Variants in SGCE observed in about 807,000 individuals in gnomAD.
SGCE encodes the protein sarcoglycan epsilon.
In SGCE, 26 loss-of-function variants were observed where a neutral mutation model predicts 57.8. That is an observed-to-expected ratio of 0.45 (90% confidence interval 0.33 to 0.62). SGCE has a LOEUF of 0.62. SGCE is among the 20% of genes least tolerant of loss of function. SGCE has a pLI of 0.02. For missense variants in SGCE, 468 were observed against 548.6 expected (o/e 0.85, Z 1.47); for synonymous variants, 183 against 189.5 (o/e 0.97, Z 0.28).
chr7:94,637,051 C>T (rs1480255230), intron 1 of SGCE, among the ~76,000 whole-genome samples: 2 of 149,006 alleles, frequency 1.3e-5, no homozygotes, highest in Non-Finnish European at 3.0e-5. Flanking sequence ...AAGAGCGAAA[C>T]TCCATCTCAA....
chr7:94,592,727 C>G (rs1203705340), intron 9 of SGCE, among the ~76,000 whole-genome samples: 1 of 151,994 alleles, frequency 6.6e-6, no homozygotes, highest in Admixed American at 6.6e-5. Flanking sequence ...ATTTGACATT[C>G]TTGGATACCC....
chr7:94,651,930 CTTTA>C (rs771589395), intron 1 of SGCE, among the ~76,000 whole-genome samples: 6 of 151,228 alleles, frequency 4.0e-5, no homozygotes, highest in East Asian at 3.9e-4. Flanking sequence ...GCTTTTTCTT[CTTTA>C]TTATTTTTTT....
chr7:94,616,683 A>G (rs961605821), intron 5 of SGCE, among the ~76,000 whole-genome samples: 3 of 152,168 alleles, frequency 2.0e-5, no homozygotes, highest in Non-Finnish European at 2.9e-5. Flanking sequence ...GGGCTAAAAA[A>G]TTGTTTCTAT....
intron 5 of SGCE, among the ~76,000 whole-genome samples, chr7:94,604,824 T>C (rs1356818074): frequency 5.7e-5 from 3 of 52,790 alleles, no homozygotes; most frequent in Non-Finnish European, 8.5e-5. Context: ...TATATATATA[T>C]ATATATATAT....
At chr7:94,620,533 T>G (rs943994035) in intron 4 of SGCE, 3 of 152,206 alleles carry the variant, frequency 2.0e-5, no homozygotes, top group Non-Finnish European at 4.4e-5. Context: ...GAAATAGTCA[T>G]GCAGAAATGT....
intron 9 of SGCE, among the ~76,000 whole-genome samples, chr7:94,593,175 T>G (rs1172540415): frequency 6.6e-6 from 1 of 152,158 alleles, no homozygotes; most frequent in Admixed American, 6.6e-5. Context: ...TGTCTTCAAT[T>G]AGAAGACTTA....
In SGCE at chr7:94,621,709, AAGG is replaced by A. The variant is rs368875917; in HGVS notation, c.463+1613_463+1615del. 163 of 152,324 alleles carry A rather than the reference AAGG, an allele frequency of 1.1e-3. 1 individual carries two copies. The highest frequency in any genetic ancestry group is 3.6e-3 in the African/African-American group (150 of 41,574). 9.4% of individuals were successfully genotyped at this position (152,324 alleles called of 1,614,324 possible). On this transcript the variant is annotated intron_variant, in intron 4 of 10. Coordinates refer to ENST00000648936, the MANE Select transcript of SGCE (RefSeq NM_003919.3). ...TTTATAACTGTAATGATGAATTCCT[AAGG>A]AGGAAGGAAACTTTTCAATTATTCT...
chr7:94,604,750 T>C (rs1423140970), intron 5 of SGCE, among the ~76,000 whole-genome samples: 2 of 130,358 alleles, frequency 1.5e-5, no homozygotes, highest in Non-Finnish European at 3.2e-5. Flanking sequence ...AGGCATAGGC[T>C]CACTAAAAGA....
At chr7:94,611,493 G>T in intron 5 of SGCE, among the ~76,000 whole-genome samples, 1 of 151,836 alleles carries the variant, frequency 6.6e-6, no homozygotes, top group Non-Finnish European at 1.5e-5. Context: ...GTAGGGGTGG[G>T]GGTGGGGGTG....
At chr7:94,588,534 CTAT>C in intron 10 of SGCE, 152 bp downstream of exon 10, 1 of 1,475,686 alleles carries the variant, frequency 6.8e-7, no homozygotes, top group Non-Finnish European at 8.9e-7. Flanking sequence ...ATAATCTAAG[CTAT>C]TATTCTGAGG....
At chr7:94,628,411 T>C in intron 2 of SGCE, 52 bp from the exon 3 acceptor site, 1 of 1,468,288 alleles carries the variant, frequency 6.8e-7, no homozygotes, top group Non-Finnish European at 9.5e-7. Context: ...TCACACATGT[T>C]GCTTTGGTAG....
At chr7:94,594,405 G>A (rs1469864964) in intron 9 of SGCE, 1 of 152,018 alleles carries the variant, frequency 6.6e-6, no homozygotes, top group Non-Finnish European at 1.5e-5. Context: ...TACTATATGA[G>A]GGCATGAGGG....
At chr7:94,607,634 A>G (rs901650978) in intron 5 of SGCE, among the ~76,000 whole-genome samples, 8 of 152,206 alleles carry the variant, frequency 5.3e-5, no homozygotes, top group African/African-American at 1.9e-4. Context: ...TAAACTAGGA[A>G]TAGAGGGGAA....
rs141099987 is a variant in SGCE at position 94,641,316 on chromosome 7, T to C, written c.110-11475A>G. ...AGCCAAACTGCAAAAGGTCAAGATG[T>C]AGATGCAGAAATTACAGTTAATCTT... is the stretch of plus-strand genomic sequence containing the variant. On this transcript the variant is annotated intron_variant, in intron 1 of 10. Transcript: ENST00000648936. Among the ~76,000 whole-genome samples the C allele has an allele frequency of 1.4e-4, 21 of 152,294 alleles. No individual in the cohort carries two copies. In the East Asian group the frequency reaches 3.9e-3, roughly 28 times the overall value.
rs189088385 is a variant in SGCE, at chr7:94,591,279, A to T, written c.1254-2547T>A. Among the ~76,000 whole-genome samples the T allele has an allele frequency of 7.9e-4, 121 of 152,334 alleles. 2 individuals are homozygous for T. In the Middle Eastern group the frequency reaches 0.01, roughly 13 times the overall value. On this transcript the variant is annotated intron_variant, in intron 9 of 10. Transcript: ENST00000648936. ...GAAGTCAAAATGCAATTAGATGGGC[A>T]TCTCACACAGGGTGGGAGGATGTGT...
chr7:94,623,576 A>C lies in SGCE; in HGVS notation c.391-179T>G, dbSNP rs967633961. On this transcript the variant is annotated intron_variant, in intron 3 of 10. Coordinates refer to ENST00000648936, the MANE Select transcript of SGCE (RefSeq NM_003919.3). ...CAGAGCTTTTAGCAATATTATGGGA[A>C]AATAAATAATTAGTCAGGTCTATTT... The C allele has an allele frequency of 2.2e-5, 13 of 592,782 alleles. 1 individual carries two copies. In the African/African-American group the frequency reaches 2.2e-4, roughly 10 times the overall value. The allele number at this position is 592,782 out of a possible 1,614,324, so 36.7% of individuals were successfully genotyped here.
chr7:94,619,289 C>T (rs1175405589), intron 4 of SGCE: 6 of 192,518 alleles, frequency 3.1e-5, no homozygotes, highest in Non-Finnish European at 5.3e-5. Context: ...GGGGAGCATG[C>T]TAAAATATTA....
intron 1 of SGCE, among the ~76,000 whole-genome samples, chr7:94,651,076 T>G (rs1368901175): frequency 6.6e-6 from 1 of 152,342 alleles, no homozygotes; most frequent in African/African-American, 2.4e-5. Context: ...TACCAGAACC[T>G]AACTAATTTT....
intron 10 of SGCE, chr7:94,588,269 T>TC (rs1797182524): frequency 9.6e-7 from 1 of 1,044,272 alleles, no homozygotes; most frequent in East Asian, 8.4e-5. Context: ...TTCTCATTTA[T>TC]CCCCCTGAAG....
Sources: allele counts gnomAD v4.1 joint callset (sites outside exome capture counted in the v4.1 genomes callset), GRCh38; gene constraint gnomAD v4.1.1; transcripts MANE v1.5; gene names NCBI Gene and HGNC (gene_info 2026-07-23, HGNC 2026-07-21).